Variants in ARHGAP26 observed in about 807,000 individuals in gnomAD.
ARHGAP26 encodes the protein Rho GTPase activating protein 26.
Under a neutral mutation model 104.8 loss-of-function variants are expected in ARHGAP26, and 38 were observed. That is an observed-to-expected ratio of 0.36 (90% confidence interval 0.28 to 0.48). ARHGAP26 has a LOEUF of 0.48. Among genes scored for constraint, ARHGAP26 ranks in the 20% least tolerant of loss-of-function variants. The pLI is 0.99. For missense variants in ARHGAP26, 704 were observed against 947.9 expected, an observed-to-expected ratio of 0.74 and a Z score of 3.38; for synonymous variants, 341 against 340.0, an observed-to-expected ratio of 1.00 and a Z score of -0.03.
chr5:142,771,288 T>G, intron 1 of ARHGAP26: 1 of 1,239,550 alleles, frequency 8.1e-7, no homozygotes, highest in South Asian at 3.8e-5. Flanking sequence ...TCCAGCTCCC[T>G]TAGGGGCAGA....
chr5:142,790,654 T>A (rs1413530066), intron 1 of ARHGAP26, among the ~76,000 whole-genome samples: 1 of 152,210 alleles, frequency 6.6e-6, no homozygotes, highest in Non-Finnish European at 1.5e-5. Flanking sequence ...CTCTCTGACC[T>A]TCCTCTTTCT....
chr5:142,874,974 A>G (rs1259758938), intron 2 of ARHGAP26, 136 bp from the exon 3 acceptor site: 2 of 682,316 alleles, frequency 2.9e-6, no homozygotes, highest in East Asian at 5.3e-5. Context: ...AGATGAAGGG[A>G]GCCTTGGGAA....
intron 11 of ARHGAP26, among the ~76,000 whole-genome samples, chr5:142,995,747 G>C (rs1776284358): frequency 6.6e-6 from 1 of 152,114 alleles, no homozygotes; most frequent in African/African-American, 2.4e-5. Context: ...CAATAACAAA[G>C]ACTTGGAACC....
chr5:143,148,153 A>C (rs1486527568), intron 20 of ARHGAP26, among the ~76,000 whole-genome samples: 3 of 152,188 alleles, frequency 2.0e-5, no homozygotes, highest in Non-Finnish European at 4.4e-5. Context: ...GGCTACAGTT[A>C]TGTAAGACTC....
At chr5:143,071,853 T>C (rs1016100885) in intron 17 of ARHGAP26, among the ~76,000 whole-genome samples, 2 of 152,020 alleles carry the variant, frequency 1.3e-5, no homozygotes, top group Non-Finnish European at 2.9e-5. Flanking sequence ...TGCAGTGAGC[T>C]GAGATTGCTC....
intron 20 of ARHGAP26, among the ~76,000 whole-genome samples, chr5:143,195,712 A>G (rs1022280794): frequency 2.0e-5 from 3 of 152,190 alleles, no homozygotes; most frequent in Non-Finnish European, 4.4e-5. Flanking sequence ...ATGCAACCTA[A>G]ACCGTGGATT....
chr5:142,770,702 G>A lies in ARHGAP26; in HGVS notation c.-60G>A, dbSNP rs1304442203. 9.1e-7 allele frequency: 1 copy of A among 1,093,234 alleles called. No homozygotes were observed. The highest frequency in any genetic ancestry group is 1.1e-6 in the Non-Finnish European group (1 of 894,270). The allele number at this position is 1,093,234 out of a possible 1,614,324, so 67.7% of individuals were successfully genotyped here. A position where few individuals can be genotyped will look rare whatever the true frequency, so the allele number is the denominator to read the frequency against. ...GGGGTCCCGCCGCGTGAGTGCTCTGGGCGGCGGGCGGCCCGGGCCCCGGCG... is the reference window on the plus strand; with the variant it reads ...GGGGTCCCGCCGCGTGAGTGCTCTGAGCGGCGGGCGGCCCGGGCCCCGGCG... On this transcript the variant is annotated 5_prime_UTR_variant, in exon 1 of 23. Transcript: ENST00000645722.
chr5:143,171,400 G>C (rs192329713), intron 20 of ARHGAP26, among the ~76,000 whole-genome samples: 15 of 152,306 alleles, frequency 9.8e-5, no homozygotes, highest in Middle Eastern at 3.4e-3. Flanking sequence ...CTAGATGAGA[G>C]CCGCACTTGA....
intron 1 of ARHGAP26, among the ~76,000 whole-genome samples, chr5:142,849,071 T>TC (rs1751009101): frequency 1.3e-5 from 2 of 152,358 alleles, no homozygotes; most frequent in African/African-American, 4.8e-5. Flanking sequence ...CAACTCTAAC[T>TC]TGATTTTTTA....
chr5:142,965,454 C>T (rs377304906), intron 11 of ARHGAP26, among the ~76,000 whole-genome samples: 4 of 152,258 alleles, frequency 2.6e-5, no homozygotes, highest in South Asian at 2.1e-4. Flanking sequence ...CTGGCATCAC[C>T]GCTAGACCAA....
At chr5:142,909,542 G>C (rs1440908320) in intron 9 of ARHGAP26, among the ~76,000 whole-genome samples, 2 of 152,178 alleles carry the variant, frequency 1.3e-5, no homozygotes, top group African/African-American at 4.8e-5. Context: ...TGATAGAGAA[G>C]TTTATCAGCA....
intron 17 of ARHGAP26, among the ~76,000 whole-genome samples, chr5:143,059,685 T>G (rs1786407788): frequency 6.6e-6 from 1 of 152,220 alleles, no homozygotes; most frequent in African/African-American, 2.4e-5. Flanking sequence ...TCTAACCAAT[T>G]TAAGGCAATT....
chr5:142,890,146 AAAAAAATAT>A (rs1322319122), intron 5 of ARHGAP26, among the ~76,000 whole-genome samples: 2 of 89,226 alleles, frequency 2.2e-5, no homozygotes, highest in Non-Finnish European at 4.4e-5. Flanking sequence ...TAAAAAAAAA[AAAAAAATAT>A]ATATATATAT....
chr5:143,063,964 T>C (rs1787117703), intron 17 of ARHGAP26, among the ~76,000 whole-genome samples: 1 of 152,242 alleles, frequency 6.6e-6, no homozygotes, highest in South Asian at 2.1e-4. Context: ...CTGTCTCCCT[T>C]GTCTTTGTTT....
At chr5:142,934,395 A>T (rs1765133529) in intron 11 of ARHGAP26, among the ~76,000 whole-genome samples, 1 of 152,254 alleles carries the variant, frequency 6.6e-6, no homozygotes, top group South Asian at 2.1e-4. Context: ...ACAGGAACAT[A>T]TAGCTTGCAC....
intron 11 of ARHGAP26, among the ~76,000 whole-genome samples, chr5:142,963,186 A>ATATATATATATG (rs1770632008): frequency 1.0e-5 from 1 of 100,226 alleles, no homozygotes; most frequent in African/African-American, 7.3e-5. Flanking sequence ...ATATATATAT[A>ATATATATATATG]TATATATATA....
chr5:143,053,980 A>G (rs1469449742), intron 14 of ARHGAP26, among the ~76,000 whole-genome samples: 1 of 152,180 alleles, frequency 6.6e-6, no homozygotes, highest in Admixed American at 6.5e-5. Context: ...TCACTTAATC[A>G]TTCTTCTATC....
At chr5:142,936,819 A>G (rs1765486740) in intron 11 of ARHGAP26, among the ~76,000 whole-genome samples, 1 of 146,084 alleles carries the variant, frequency 6.8e-6, no homozygotes, top group African/African-American at 2.8e-5. Context: ...CTAAACATCC[A>G]TAGGAAAAAA....
chr5:143,124,130 G>A (rs35902121), intron 18 of ARHGAP26, among the ~76,000 whole-genome samples: 2,886 of 152,212 alleles, frequency 0.019, 46 homozygotes, highest in East Asian at 0.078. Context: ...CCTACTACAG[G>A]GCTAAAGTAT....
Sources: allele counts gnomAD v4.1 joint callset (sites outside exome capture counted in the v4.1 genomes callset), GRCh38; gene constraint gnomAD v4.1.1; transcripts MANE v1.5; gene names NCBI Gene and HGNC (gene_info 2026-07-23, HGNC 2026-07-21).